PTPRD: variants seen among roughly 807,000 people sequenced by gnomAD.
PTPRD encodes protein tyrosine phosphatase receptor type D.
A neutral mutation model predicts 214.5 loss-of-function variants in PTPRD; 34 were observed. The observed-to-expected ratio is 0.16, with a 90% CI of 0.12 to 0.21. The LOEUF (loss-of-function observed/expected upper bound fraction) is 0.21, where lower values mean the gene tolerates loss of function less well. Among genes scored for constraint, PTPRD ranks in the 10% least tolerant of loss-of-function variants. The probability of loss-of-function intolerance (pLI) is 1.00; values close to 1 mark genes in which losing one functional copy is unlikely to be tolerated. For missense variants in PTPRD, 2,545 were observed against 2,398.7 expected, an observed-to-expected ratio of 1.06 and a Z score of -1.27; for synonymous variants, 1,128 against 845.7, an observed-to-expected ratio of 1.33 and a Z score of -5.79.
chr9:9,541,392 T>C (rs1222600223), intron 8 of PTPRD, among the ~76,000 whole-genome samples: 1 of 151,716 alleles, frequency 6.6e-6, no homozygotes, highest in Non-Finnish European at 1.5e-5. Flanking sequence ...GAGAAGAATA[T>C]GAAGGCCCCA....
At chr9:9,663,476 A>T (rs1486009499) in intron 7 of PTPRD, among the ~76,000 whole-genome samples, 1 of 151,520 alleles carries the variant, frequency 6.6e-6, no homozygotes, top group Admixed American at 6.6e-5. Flanking sequence ...AAAATTATCC[A>T]CTTCACTTTT....
chr9:8,441,449 T>C (rs573775024), intron 34 of PTPRD, among the ~76,000 whole-genome samples: 131 of 152,156 alleles, frequency 8.6e-4, no homozygotes, highest in African/African-American at 2.9e-3. Context: ...TGGCATTTCC[T>C]CAGTTTTCAA....
chr9:9,607,005 A>AAAT lies in PTPRD; in HGVS notation c.-286-32225_-286-32224insATT, dbSNP rs1187365479. ...AAAAAAAAAAAAAAAAAAAAAAAAA[A>AAAT]GTGTTTCTGCCATGTCACCGACCAG... On this transcript the variant is annotated intron_variant, in intron 7 of 45. Coordinates refer to ENST00000381196, the MANE Select transcript of PTPRD (RefSeq NM_002839.4). Among the ~76,000 whole-genome samples, 267 of 119,674 alleles carry AAAT rather than the reference A, an allele frequency of 2.2e-3. 46 individuals carry two copies. Among genetic ancestry groups the AAAT allele is most frequent in the Middle Eastern group, 9.3e-3 (2 of 216 alleles). 78.5% of individuals were successfully genotyped at this position (119,674 alleles called of 152,430 possible).
intron 13 of PTPRD, among the ~76,000 whole-genome samples, chr9:8,636,309 T>C (rs546301224): frequency 1.6e-4 from 25 of 152,282 alleles, no homozygotes; most frequent in East Asian, 1.9e-4. Context: ...TGTCCACCTA[T>C]CCACACAAAT....
Position 10,516,748 on chromosome 9 carries a change from T to C in PTPRD, c.-600+95650A>G, listed in dbSNP as rs1027493767. Among the ~76,000 whole-genome samples the C allele has an allele frequency of 1.4e-4, 21 of 152,144 alleles. No individual in the cohort carries two copies. In the South Asian group the frequency reaches 3.5e-3, roughly 26 times the overall value. On this transcript the variant is annotated intron_variant, in intron 2 of 45. Coordinates refer to ENST00000381196, the MANE Select transcript of PTPRD (RefSeq NM_002839.4). ...TTAATTCCTTTTCAGTTTATTGCTG[T>C]GTCTTTTGTAAGATAAGGGTCCAAT...
chr9:10,181,089 T>G (rs2154306654), intron 3 of PTPRD, among the ~76,000 whole-genome samples: 1 of 152,198 alleles, frequency 6.6e-6, no homozygotes, highest in South Asian at 2.1e-4. Flanking sequence ...AAATGCATCA[T>G]ATAGGCTTGA....
intron 2 of PTPRD, among the ~76,000 whole-genome samples, chr9:10,345,072 GA>G (rs2097044919): frequency 6.6e-6 from 1 of 151,952 alleles, no homozygotes; most frequent in African/African-American, 2.4e-5. Context: ...GGCTAAAAAA[GA>G]CTTATCTTTT....
At chr9:8,731,906 T>A (rs931553032) in intron 12 of PTPRD, among the ~76,000 whole-genome samples, 3 of 152,238 alleles carry the variant, frequency 2.0e-5, no homozygotes, top group Admixed American at 2.0e-4. Context: ...GCCTGCTTCC[T>A]CTTTTTAGCT....
rs907725412 is a variant in PTPRD at position 10,214,030 on chromosome 9, T to C, written c.-545+126933A>G. ...ATCTATCAACAGCTGTAAAGGCATA[T>C]CTTCATCAAATCCTTCAATAAGCCC... On this transcript the variant is annotated intron_variant, in intron 3 of 45. Coordinates refer to ENST00000381196, the MANE Select transcript of PTPRD (RefSeq NM_002839.4). Among the ~76,000 whole-genome samples, 4 of 152,080 alleles carry C rather than the reference T, an allele frequency of 2.6e-5. No individual in the cohort carries two copies. The East Asian group carries it at 7.7e-4, about 29-fold the overall frequency.
At chr9:9,582,665 C>T (rs1304377830) in intron 7 of PTPRD, among the ~76,000 whole-genome samples, 1 of 151,954 alleles carries the variant, frequency 6.6e-6, no homozygotes, top group African/African-American at 2.4e-5. Flanking sequence ...TTAAAAGTTC[C>T]TTACATTACT....
chr9:9,445,997 T>C (rs137904736), intron 8 of PTPRD, among the ~76,000 whole-genome samples: 1,847 of 152,278 alleles, frequency 0.012, 28 homozygotes, highest in African/African-American at 0.042. Context: ...TAAAGTTAAT[T>C]CAACTGAATT....
intron 14 of PTPRD, among the ~76,000 whole-genome samples, chr9:8,561,304 G>GA (rs975309573): frequency 1.3e-5 from 2 of 152,030 alleles, no homozygotes; most frequent in Non-Finnish European, 2.9e-5. Context: ...GCCACACTGA[G>GA]AAAAAAACCA....
rs561202008 is a variant in PTPRD, at chr9:8,832,590, A to G, written c.-103-98644T>C. Among the ~76,000 whole-genome samples the G allele has an allele frequency of 9.9e-5, 15 of 152,210 alleles. No homozygotes were observed. In the South Asian group the frequency reaches 2.5e-3, roughly 25 times the overall value. On this transcript the variant is annotated intron_variant, in intron 11 of 45. Coordinates refer to ENST00000381196, the MANE Select transcript of PTPRD (RefSeq NM_002839.4). Reference sequence around the variant, plus strand: ...ATATACTTCAAGTTATGAGAAAGAGAAAATTAACCAGTGTTTGCACCCACT... The same window carrying G: ...ATATACTTCAAGTTATGAGAAAGAGGAAATTAACCAGTGTTTGCACCCACT...
chr9:9,284,568 TC>T (rs1252372823), intron 9 of PTPRD, among the ~76,000 whole-genome samples: 3 of 151,722 alleles, frequency 2.0e-5, no homozygotes, highest in African/African-American at 7.2e-5. Context: ...CAATCATTTC[TC>T]CACCAGTCCC....
intron 3 of PTPRD, among the ~76,000 whole-genome samples, chr9:10,051,341 G>A (rs1423083145): frequency 3.9e-5 from 6 of 151,978 alleles, no homozygotes; most frequent in African/African-American, 1.5e-4. Context: ...CCTACTGTGA[G>A]CCCTCTTGCA....
intron 9 of PTPRD, among the ~76,000 whole-genome samples, chr9:9,359,062 G>C (rs998011293): frequency 6.6e-6 from 1 of 151,308 alleles, no homozygotes; most frequent in African/African-American, 2.4e-5. Context: ...TCCCATCATA[G>C]ACAGCCATTA....
intron 8 of PTPRD, among the ~76,000 whole-genome samples, chr9:9,563,692 C>CA (rs2083543525): frequency 6.6e-6 from 1 of 152,064 alleles, no homozygotes; most frequent in Non-Finnish European, 1.5e-5. Flanking sequence ...ACCATATAAA[C>CA]AAAACCATAA....
chr9:9,909,407 G>T (rs1449038254), intron 5 of PTPRD, among the ~76,000 whole-genome samples: 1 of 149,184 alleles, frequency 6.7e-6, no homozygotes, highest in Non-Finnish European at 1.5e-5. Flanking sequence ...ATATTGGAAA[G>T]ACTTTAAAAT....
chr9:9,448,385 G>C (rs2091144290), intron 8 of PTPRD, among the ~76,000 whole-genome samples: 1 of 151,934 alleles, frequency 6.6e-6, no homozygotes, highest in Non-Finnish European at 1.5e-5. Flanking sequence ...CTGTTTTCAA[G>C]ATAGTGAGTT....
Sources: allele counts gnomAD v4.1 joint callset (sites outside exome capture counted in the v4.1 genomes callset), GRCh38; gene constraint gnomAD v4.1.1; transcripts MANE v1.5; gene names NCBI Gene and HGNC (gene_info 2026-07-23, HGNC 2026-07-21).